KHK: variants seen among roughly 807,000 people sequenced by gnomAD.
The protein encoded by KHK is ketohexokinase, also known as fructokinase.
In KHK, 37 loss-of-function variants were observed where a neutral mutation model predicts 36.0. That is an observed-to-expected ratio of 1.03 (90% CI 0.79 to 1.35). The LOEUF (loss-of-function observed/expected upper bound fraction) is 1.35. Ranked by LOEUF, KHK falls within the 40% of genes most tolerant of loss-of-function variation. KHK has a pLI of 0.00. For synonymous variants in KHK, 161 were observed against 162.8 expected, an observed-to-expected ratio of 0.99 and a Z score of 0.08; for missense variants, 395 against 391.9, an observed-to-expected ratio of 1.01 and a Z score of -0.07.
At chr2:27,096,366 A>C (rs890165285) in intron 3 of KHK, among the ~76,000 whole-genome samples, 4 of 152,044 alleles carry the variant, frequency 2.6e-5, no homozygotes, top group Non-Finnish European at 5.9e-5. Context: ...ATACTTTCCC[A>C]GGGCTCTGCC....
rs911189057 is a variant in KHK at position 27,100,161 on chromosome 2, G to A, written c.*411G>A. ...TCTGCCCTGGCTGGGGAGGACACTCGGTGCCCCACACCCAGTGAACCTGCC... is the reference window on the plus strand; with the variant it reads ...TCTGCCCTGGCTGGGGAGGACACTCAGTGCCCCACACCCAGTGAACCTGCC... On this transcript the variant is annotated 3_prime_UTR_variant, in exon 8 of 8. Transcript: ENST00000260598. 41 of 493,726 alleles carry A rather than the reference G, an allele frequency of 8.3e-5. 2 individuals are homozygous for A. Among genetic ancestry groups the A allele is most frequent in the South Asian group, 4.3e-4 (21 of 48,894 alleles). 30.6% of individuals were successfully genotyped at this position (493,726 alleles called of 1,614,324 possible). A position where few individuals can be genotyped will look rare whatever the true frequency, so the allele number is the denominator to read the frequency against.
chr2:27,099,314 A>AGAAG, intron 6 of KHK, 30 bp downstream of exon 6: 5 of 1,613,668 alleles, frequency 3.1e-6, no homozygotes, highest in Non-Finnish European at 3.4e-6. Context: ...AAGGGGCTTT[A>AGAAG]GAAGGTACAG....
chr2:27,090,993 C>T (rs1296752780), intron 1 of KHK, among the ~76,000 whole-genome samples: 1 of 152,038 alleles, frequency 6.6e-6, no homozygotes, highest in Non-Finnish European at 1.5e-5. Context: ...GAAGTTGAGG[C>T]TGCAGTGAAC....
In KHK at chr2:27,092,424, C is replaced by A; in HGVS notation, c.185C>A (p.Ser62Ter). Residue 62 changes from serine to a stop codon, truncating the protein, a stop_gained, in exon 2 of 8, where the codon TCA (serine) becomes TAA (stop). Coordinates refer to ENST00000260598, the MANE Select transcript of KHK (RefSeq NM_006488.3). LOFTEE classifies it high-confidence loss of function. ...LLGAPCAFMG[S>*]MAPGHVADFL... ...GGAGCCCCCTGTGCCTTCATGGGCT[C>A]AATGGCTCCTGGCCATGTTGCTGAG... 6.2e-7 allele frequency: 1 copy of A among 1,613,252 alleles called. No homozygotes were observed. Among genetic ancestry groups the A allele is most frequent in the East Asian group, 2.2e-5 (1 of 44,880 alleles).
At position 27,094,944 on chromosome 2, in the gene KHK, C is replaced by T. The variant is rs1183681383; in HGVS notation, c.344+10C>T. On this transcript the variant is annotated intron_variant, in intron 3 of 7. Transcript: ENST00000260598. ...TTGTGCTCCATGACACGTAAGGCCCCCGGGCCTCGCCCTGCTACAACCCAC... is the reference window on the plus strand; with the variant it reads ...TTGTGCTCCATGACACGTAAGGCCCTCGGGCCTCGCCCTGCTACAACCCAC... 6.2e-7 allele frequency: 1 copy of T among 1,613,690 alleles called. No homozygotes were observed. Among genetic ancestry groups the T allele is most frequent in the Non-Finnish European group, 8.5e-7 (1 of 1,180,000 alleles).
intron 1 of KHK, among the ~76,000 whole-genome samples, chr2:27,089,677 G>A (rs1210075103): frequency 6.6e-6 from 1 of 152,138 alleles, no homozygotes; most frequent in East Asian, 1.9e-4. Context: ...CATGGCCCTG[G>A]TTCCCTGCAG....
chr2:27,096,723 A>G lies in KHK; in HGVS notation c.345-6A>G, dbSNP rs529095931. On this transcript the variant is annotated splice_region_variant and splice_polypyrimidine_tract_variant and intron_variant, in intron 3 of 7. Coordinates refer to ENST00000260598, the MANE Select transcript of KHK (RefSeq NM_006488.3). ...TCTTCTCTGTCTTTTCCATCCTGTGACCTAGGAGCCTGCCAGATGTGTCTG... is the reference window on the plus strand; with the variant it reads ...TCTTCTCTGTCTTTTCCATCCTGTGGCCTAGGAGCCTGCCAGATGTGTCTG... 91 of 1,613,196 alleles carry G rather than the reference A, an allele frequency of 5.6e-5. 1 individual carries two copies. Among genetic ancestry groups the G allele is most frequent in the South Asian group, 2.5e-4 (23 of 91,056 alleles).
At chr2:27,093,047 G>C (rs1387595051) in intron 2 of KHK, among the ~76,000 whole-genome samples, 1 of 152,208 alleles carries the variant, frequency 6.6e-6, no homozygotes, top group Non-Finnish European at 1.5e-5. Flanking sequence ...GCTGCTGCAG[G>C]GACCTCAGAG....
chr2:27,094,871 C>A lies in KHK; in HGVS notation c.281C>A (p.Thr94Asn), dbSNP rs368277164. 7 of 1,614,012 alleles carry A rather than the reference C, an allele frequency of 4.3e-6. No individual in the cohort carries two copies. The South Asian group carries it at 7.7e-5, about 18-fold the overall frequency. ...SQVAWQSKGD[T>N]PSSCCIINNS... ...GTGGCCTGGCAGAGCAAGGGGGACA[C>A]CCCCAGCTCCTGCTGCATCATCAAC... Residue 94 changes from threonine to asparagine, a missense_variant, in exon 3 of 8, where the codon ACC becomes AAC. Thr to Asn is a moderately conservative substitution (Grantham distance 65, BLOSUM62 0). Coordinates refer to ENST00000260598, the MANE Select transcript of KHK (RefSeq NM_006488.3).
chr2:27,095,065 C>T, intron 3 of KHK, 131 bp downstream of exon 3: 1 of 1,043,210 alleles, frequency 9.6e-7, no homozygotes, highest in African/African-American at 1.6e-5. Context: ...GCTCCCCTGC[C>T]AAAATGTCCA....
rs1373897698 is a variant in KHK, at chr2:27,087,215, G to T, written c.-45G>T. On this transcript the variant is annotated 5_prime_UTR_variant, in exon 1 of 8. In the 5' UTR this introduces an upstream ATG that the reference lacks. Coordinates refer to ENST00000260598, the MANE Select transcript of KHK (RefSeq NM_006488.3). ...CCTGGATAAGAGGCAGAGGCCGGGA[G>T]GAACCCCGTCAGCCGGGCGGGCAGG... is the stretch of plus-strand genomic sequence containing the variant. The T allele has an allele frequency of 6.6e-7, 1 of 1,507,548 alleles. No homozygotes were observed. Among genetic ancestry groups the T allele is most frequent in the Admixed American group, 1.9e-5 (1 of 51,306 alleles). 93.4% of individuals were successfully genotyped at this position (1,507,548 alleles called of 1,614,324 possible).
chr2:27,094,745 C>T (rs1670231126), intron 2 of KHK, 55 bp from the exon 3 acceptor site: 1 of 1,613,910 alleles, frequency 6.2e-7, no homozygotes, highest in East Asian at 2.2e-5. Context: ...CAGACCACTT[C>T]CAGGCTCTAA....
At chr2:27,090,030 T>C (rs1669895501) in intron 1 of KHK, among the ~76,000 whole-genome samples, 1 of 152,128 alleles carries the variant, frequency 6.6e-6, no homozygotes. Context: ...TTTTGTACTT[T>C]CAGTAGAGAT....
Position 27,094,837 on chromosome 2 carries a change from G to C in KHK, c.247G>C (p.Val83Leu). 2.5e-6 allele frequency: 4 copies of C among 1,614,030 alleles called. No homozygotes were observed. The highest frequency in any genetic ancestry group is 1.1e-5 in the South Asian group (1 of 91,088). The change falls in exon 3 of 8, where the codon GTG (valine) becomes CTG (leucine). Residue 83 changes from valine (V) to leucine (L), a missense_variant. Val to Leu is a conservative substitution (Grantham distance 32). Transcript: ENST00000260598. ...VADFRRRGVD[V>L]SQVAWQSKGD... ...CGACTTCAGGCGGCGGGGCGTGGAC[G>C]TGTCTCAGGTGGCCTGGCAGAGCAA...
At chr2:27,089,565 G>T (rs1004696164) in intron 1 of KHK, among the ~76,000 whole-genome samples, 1 of 152,232 alleles carries the variant, frequency 6.6e-6, no homozygotes, top group Non-Finnish European at 1.5e-5. Flanking sequence ...CACTGATGGG[G>T]CAGGTTCTGA....
Position 27,100,469 on chromosome 2 carries a change from T to C in KHK, c.*719T>C. The C allele has an allele frequency of 7.7e-6, 10 of 1,291,046 alleles. No homozygotes were observed. The highest frequency in any genetic ancestry group is 9.1e-6 in the Non-Finnish European group (9 of 988,874). The allele number at this position is 1,291,046 out of a possible 1,614,324, so 80.0% of individuals were successfully genotyped here. A position where few individuals can be genotyped will look rare whatever the true frequency, so the allele number is the denominator to read the frequency against. ...AAATGTGACCCAGGATACAGAGTGT[T>C]GCTGTCCTCAGGGAGGTCCGATCTG... On this transcript the variant is annotated 3_prime_UTR_variant, in exon 8 of 8. Transcript: ENST00000260598.
intron 3 of KHK, 89 bp from the exon 4 acceptor site, chr2:27,096,640 A>T (rs1199218962): frequency 2.0e-6 from 2 of 1,009,682 alleles, no homozygotes; most frequent in Non-Finnish European, 1.6e-6. Context: ...CAGTGCAGGC[A>T]CAGGGTCCAC....
chr2:27,099,613 C>T, intron 7 of KHK, 36 bp downstream of exon 7: 1 of 1,614,098 alleles, frequency 6.2e-7, no homozygotes, highest in Non-Finnish European at 8.5e-7. Flanking sequence ...AGGACTGGGA[C>T]CTGTCCCTGC....
intron 1 of KHK, among the ~76,000 whole-genome samples, chr2:27,089,421 G>T (rs540073872): frequency 1.3e-5 from 2 of 152,152 alleles, no homozygotes; most frequent in Non-Finnish European, 2.9e-5. Flanking sequence ...CAAATTCCAG[G>T]GCCACAGGTT....
Sources: gnomAD v4.1 joint callset for allele counts (sites outside exome capture counted in the v4.1 genomes callset) on GRCh38, gnomAD v4.1.1 for gene constraint, MANE v1.5 for transcripts, NCBI Gene and HGNC (gene_info 2026-07-23, HGNC 2026-07-21) for gene names.